The following ADGRG1 variants were observed in gnomAD, a reference collection of about 807,000 sequenced individuals.
ADGRG1 encodes the protein adhesion G protein-coupled receptor G1.
In ADGRG1, 53 loss-of-function variants were observed where a neutral mutation model predicts 73.5. That is an observed-to-expected ratio of 0.72 (90% confidence interval 0.58 to 0.91). The LOEUF (loss-of-function observed/expected upper bound fraction) is 0.91. ADGRG1 is among the 40% of genes least tolerant of loss of function. The pLI, the probability that ADGRG1 is intolerant of heterozygous loss-of-function variation, is 0.00. For missense variants in ADGRG1, 795 were observed against 871.8 expected (o/e 0.91, Z 1.11); for synonymous variants, 394 against 374.4 (o/e 1.05, Z -0.60).
chr16:57,656,734 T>C, intron 9 of ADGRG1, 117 bp downstream of exon 9: 2 of 770,528 alleles, frequency 2.6e-6, no homozygotes, highest in East Asian at 2.4e-5. Context: ...AGGTAGCTTC[T>C]ATTGTTGTCC....
intron 3 of ADGRG1, chr16:57,651,868 G>A: frequency 1.4e-6 from 2 of 1,432,552 alleles, no homozygotes; most frequent in South Asian, 1.4e-5. Flanking sequence ...AGGCAGGGGT[G>A]AGGATGGAAG....
chr16:57,638,120 C>A (rs1214555172), intron 1 of ADGRG1, among the ~76,000 whole-genome samples: 1 of 152,204 alleles, frequency 6.6e-6, no homozygotes, highest in Non-Finnish European at 1.5e-5. Flanking sequence ...TGGAAGAGAG[C>A]GAGCTCCCTG....
Position 57,644,975 on chromosome 16 carries a change from C to T in ADGRG1, c.-35-5278C>T, listed in dbSNP as rs2042187566. 6 of 689,488 alleles carry T rather than the reference C, an allele frequency of 8.7e-6. No homozygotes were observed. The Admixed American group carries it at 3.8e-4, about 43-fold the overall frequency. The allele number at this position is 689,488 out of a possible 1,614,324, so 42.7% of individuals were successfully genotyped here. ...CTGATCACACACTCATGCATGGGCACACACCCCCATGCACACACACATGCA... is the reference window on the plus strand; with the variant it reads ...CTGATCACACACTCATGCATGGGCATACACCCCCATGCACACACACATGCA... On this transcript the variant is annotated intron_variant, in intron 1 of 13. Coordinates refer to ENST00000562631, the MANE Select transcript of ADGRG1 (RefSeq NM_201525.4).
intron 12 of ADGRG1, chr16:57,661,112 C>T (rs374935456): frequency 7.0e-4 from 159 of 228,356 alleles, no homozygotes; most frequent in African/African-American, 3.4e-3. Context: ...CTCTGAGCCT[C>T]GGTTTCCTCA....
chr16:57,652,250 C>A, intron 3 of ADGRG1: 1 of 550,288 alleles, frequency 1.8e-6, no homozygotes, highest in African/African-American at 2.0e-5. Context: ...CACTGCCATT[C>A]AGCACCATTA....
At chr16:57,658,917 C>T in intron 10 of ADGRG1, 6 of 981,452 alleles carry the variant, frequency 6.1e-6, no homozygotes, top group Non-Finnish European at 7.3e-6. Context: ...TGTTCTGCTG[C>T]ACCCTCTAGG....
chr16:57,654,424 T>TG (rs2045049388), intron 5 of ADGRG1, among the ~76,000 whole-genome samples: 1 of 131,156 alleles, frequency 7.6e-6, no homozygotes, highest in East Asian at 2.7e-4. Context: ...CCCCCCCCGT[T>TG]TTTTTTTTTT....
intron 3 of ADGRG1, chr16:57,652,536 A>G (rs1039341914): frequency 4.1e-6 from 3 of 728,304 alleles, no homozygotes; most frequent in Admixed American, 1.3e-4. Context: ...CTAGTTGCAA[A>G]TTGGCATTCT....
intron 9 of ADGRG1, 109 bp from the exon 10 acceptor site, chr16:57,657,264 T>TA (rs2045960218): frequency 9.7e-6 from 15 of 1,545,608 alleles, no homozygotes; most frequent in Non-Finnish European, 1.2e-5. Context: ...AGGGGGTTCT[T>TA]AGGCTTCCGA....
chr16:57,641,581 T>C (rs1189772107), intron 1 of ADGRG1: 1 of 970,206 alleles, frequency 1.0e-6, no homozygotes, highest in East Asian at 1.1e-4. Context: ...TTTTTTTTTT[T>C]TTGAGACAGG....
upstream of ADGRG1, chr16:57,626,815 A>G: frequency 2.0e-6 from 2 of 978,280 alleles, no homozygotes; most frequent in Non-Finnish European, 2.4e-6. Context: ...GCCCTGAAGG[A>G]CTGACCTTGG....
At chr16:57,644,780 G>A (rs1291710707) in intron 1 of ADGRG1, among the ~76,000 whole-genome samples, 26 of 132,114 alleles carry the variant, frequency 2.0e-4, no homozygotes, top group African/African-American at 7.4e-4. Context: ...ACACACATAT[G>A]CACACTCATG....
At chr16:57,652,462 G>C (rs551287849) in intron 3 of ADGRG1, among the ~76,000 whole-genome samples, 1 of 152,184 alleles carries the variant, frequency 6.6e-6, no homozygotes, top group African/African-American at 2.4e-5. Flanking sequence ...GTGGTGGGGG[G>C]TTCCCCACAC....
chr16:57,633,443 G>T (rs1314926497), intron 1 of ADGRG1: 3 of 985,262 alleles, frequency 3.0e-6, no homozygotes, highest in Non-Finnish European at 3.6e-6. Context: ...CGTCATAGGG[G>T]CTCATGAGAC....
chr16:57,655,598 G>C lies in ADGRG1; in HGVS notation c.900+68G>C, dbSNP rs530254915. ...TTTTTCTGACAGAGGTGGAAAGAAG[G>C]CACGCAGATGAGCTCCTTCCTCTGG... On this transcript the variant is annotated intron_variant, in intron 6 of 13. Transcript: ENST00000562631. 12 of 1,608,804 alleles carry C rather than the reference G, an allele frequency of 7.5e-6. No homozygotes were observed. The East Asian group carries it at 2.7e-4, about 36-fold the overall frequency.
upstream of ADGRG1, among the ~76,000 whole-genome samples, chr16:57,623,442 G>T (rs1051831175): frequency 6.6e-6 from 1 of 152,244 alleles, no homozygotes; most frequent in East Asian, 1.9e-4. Context: ...TCCAAATAAG[G>T]TATCAGAAAA....
At position 57,663,743 on chromosome 16, in the gene ADGRG1, C is replaced by T. The variant is rs1191297849; in HGVS notation, c.*161C>T. On this transcript the variant is annotated 3_prime_UTR_variant, in exon 14 of 14. Transcript: ENST00000562631. Reference sequence around the variant, plus strand: ...GCCGTTGCCATGGTGGACGGACTCCCGGGCTGGGCTTTTGAATTGGCCTTG... The same window carrying T: ...GCCGTTGCCATGGTGGACGGACTCCTGGGCTGGGCTTTTGAATTGGCCTTG... The T allele has an allele frequency of 3.6e-5, 28 of 780,782 alleles. No homozygotes were observed. The highest frequency in any genetic ancestry group is 2.6e-4 in the African/African-American group (15 of 57,932). The allele number at this position is 780,782 out of a possible 1,614,324, so 48.4% of individuals were successfully genotyped here.
At chr16:57,622,918 G>C, upstream of ADGRG1, 1 of 985,410 alleles carries the variant, frequency 1.0e-6, no homozygotes, top group Non-Finnish European at 1.2e-6. Context: ...GCCCTTTCCC[G>C]GCAGGGCAGG....
intron 3 of ADGRG1, chr16:57,652,975 C>T (rs1415790682): frequency 6.4e-6 from 9 of 1,411,280 alleles, no homozygotes; most frequent in Non-Finnish European, 7.4e-6. Flanking sequence ...CACCCCATCC[C>T]GCTGGGGCTG....
Sources: gnomAD v4.1 joint callset for allele counts (sites outside exome capture counted in the v4.1 genomes callset) on GRCh38, gnomAD v4.1.1 for gene constraint, MANE v1.5 for transcripts, NCBI Gene and HGNC (gene_info 2026-07-23, HGNC 2026-07-21) for gene names.